The following KNTC1 variants were observed in gnomAD, a reference collection of about 807,000 sequenced individuals.
The protein encoded by KNTC1 is kinetochore-associated protein 1.
In KNTC1, 253 loss-of-function variants were observed where a neutral mutation model predicts 314.4. That is an observed-to-expected ratio of 0.80 (90% CI 0.73 to 0.89). The LOEUF is 0.89. Among genes scored for constraint, KNTC1 ranks in the 40% least tolerant of loss-of-function variants. KNTC1 has a pLI of 0.00. For synonymous variants in KNTC1, 901 were observed against 901.4 expected, an observed-to-expected ratio of 1.00 and a Z score of 0.01; for missense variants, 2,475 against 2,572.9, an observed-to-expected ratio of 0.96 and a Z score of 0.82.
intron 40 of KNTC1, among the ~76,000 whole-genome samples, chr12:122,589,648 T>A (rs947911548): frequency 1.3e-5 from 2 of 151,714 alleles, no homozygotes; most frequent in Non-Finnish European, 2.9e-5. Context: ...TTTGTAAAAA[T>A]TTTTTGTAGA....
At chr12:122,623,916 A>G (rs938170017) in intron 62 of KNTC1, among the ~76,000 whole-genome samples, 2 of 152,054 alleles carry the variant, frequency 1.3e-5, no homozygotes, top group Non-Finnish European at 2.9e-5. Context: ...AAAATACAAA[A>G]AGTTAGCCGA....
At chr12:122,603,869 C>T (rs1566009095) in intron 48 of KNTC1, among the ~76,000 whole-genome samples, 1 of 152,172 alleles carries the variant, frequency 6.6e-6, no homozygotes, top group Non-Finnish European at 1.5e-5. Context: ...CTCACTGCTA[C>T]ATTTTTGGTT....
intron 13 of KNTC1, among the ~76,000 whole-genome samples, chr12:122,550,228 C>T (rs1963099192): frequency 7.5e-6 from 1 of 132,862 alleles, no homozygotes; most frequent in Non-Finnish European, 1.6e-5. Context: ...TGTTTAATTT[C>T]TTTTTACACA....
intron 21 of KNTC1, among the ~76,000 whole-genome samples, 175 bp from the exon 22 acceptor site, chr12:122,569,506 A>G (rs1964555942): frequency 6.6e-6 from 1 of 152,196 alleles, no homozygotes; most frequent in African/African-American, 2.4e-5. Flanking sequence ...GTGACATTGC[A>G]TACAGTATGC....
At chr12:122,572,835 A>G (rs967569810) in intron 24 of KNTC1, 102 bp from the exon 25 acceptor site, 18 of 972,808 alleles carry the variant, frequency 1.9e-5, no homozygotes, top group Admixed American at 5.7e-5. Flanking sequence ...TCTTACGTGC[A>G]TAACCAGGGT....
chr12:122,541,592 G>A (rs111775088), intron 5 of KNTC1, among the ~76,000 whole-genome samples: 1,740 of 151,734 alleles, frequency 0.011, 30 homozygotes, highest in African/African-American at 0.039. Flanking sequence ...TGATCTACCT[G>A]CCTTGGCCTC....
In KNTC1 at chr12:122,584,364, A is replaced by G; in HGVS notation, c.3350A>G (p.Asn1117Ser). The G allele has an allele frequency of 6.2e-7, 1 of 1,613,612 alleles. No homozygotes were observed. Among genetic ancestry groups the G allele is most frequent in the South Asian group, 1.1e-5 (1 of 91,066 alleles). ...CQKLCQMLAD[N>S]VPVTVPVGLN... The stretch of plus-strand genomic sequence containing the variant: ...AAGCTTTGTCAGATGTTGGCTGATA[A>G]TGTCCCAGTGACAGTGCCTGTGGGA... Residue 1117 changes from asparagine (N) to serine (S), a missense_variant, in exon 35 of 64, where the codon AAT (asparagine) becomes AGT (serine). By Grantham distance (46) the Asn-to-Ser change is conservative (BLOSUM62 1). Coordinates refer to ENST00000333479, the MANE Select transcript of KNTC1 (RefSeq NM_014708.6).
intron 3 of KNTC1, among the ~76,000 whole-genome samples, chr12:122,534,992 A>C (rs1295485287): frequency 6.6e-6 from 1 of 152,212 alleles, no homozygotes; most frequent in Non-Finnish European, 1.5e-5. Context: ...CTCTCAATAC[A>C]TCTGAGGGGA....
chr12:122,534,834 TCTG>T (rs1961659893), intron 3 of KNTC1, 50 bp downstream of exon 3: 1 of 1,567,656 alleles, frequency 6.4e-7, no homozygotes, highest in East Asian at 2.3e-5. Flanking sequence ...GTCAAATACA[TCTG>T]CTGCCAATTT....
intron 44 of KNTC1, among the ~76,000 whole-genome samples, chr12:122,599,525 A>G (rs1489660017): frequency 6.6e-6 from 1 of 151,852 alleles, no homozygotes; most frequent in Non-Finnish European, 1.5e-5. Context: ...CTAATTTTTT[A>G]TATTTAGCAG....
intron 2 of KNTC1, among the ~76,000 whole-genome samples, chr12:122,534,218 C>G (rs929278989): frequency 6.6e-6 from 1 of 152,176 alleles, no homozygotes; most frequent in Admixed American, 6.6e-5. Flanking sequence ...GTGCTGCATC[C>G]CCACCAGGCT....
chr12:122,594,953 G>A (rs1348203014), intron 43 of KNTC1, among the ~76,000 whole-genome samples: 3 of 152,160 alleles, frequency 2.0e-5, no homozygotes, highest in Non-Finnish European at 4.4e-5. Context: ...CGTAATCTCA[G>A]CTCACCGCAG....
At chr12:122,585,953 A>G (rs1205365745) in intron 37 of KNTC1, among the ~76,000 whole-genome samples, 179 bp downstream of exon 37, 1 of 152,258 alleles carries the variant, frequency 6.6e-6, no homozygotes, top group Non-Finnish European at 1.5e-5. Context: ...TGTAAAGTAC[A>G]AACACAGGCT....
chr12:122,571,207 G>T, intron 24 of KNTC1, 81 bp downstream of exon 24: 1 of 988,542 alleles, frequency 1.0e-6, no homozygotes, highest in East Asian at 2.5e-5. Flanking sequence ...TGAAGTATCT[G>T]GAAATATATC....
rs577516439 is a variant in KNTC1, at chr12:122,617,651, A to C, written c.6031-692A>C. ...TGAGTTGGGTTCTGACTTTTTGCCA[A>C]ATGGAATAATGAATCAGCAAGGATT... On this transcript the variant is annotated intron_variant, in intron 57 of 63. Coordinates refer to ENST00000333479, the MANE Select transcript of KNTC1 (RefSeq NM_014708.6). 7.6e-5 allele frequency: 15 copies of C among 197,724 alleles called. No homozygotes were observed. In the South Asian group the frequency reaches 1.2e-3, roughly 16 times the overall value. 12.2% of individuals were successfully genotyped at this position (197,724 alleles called of 1,614,324 possible). A position where few individuals can be genotyped will look rare whatever the true frequency, so the allele number is the denominator to read the frequency against.
intron 20 of KNTC1, among the ~76,000 whole-genome samples, chr12:122,563,553 G>T (rs538272731): frequency 6.6e-6 from 1 of 151,982 alleles, no homozygotes; most frequent in Non-Finnish European, 1.5e-5. Flanking sequence ...TCAAGCAGCC[G>T]CTCCAAGGCA....
Position 122,544,149 on chromosome 12 carries a change from A to C in KNTC1, c.559-10A>C, listed in dbSNP as rs760435316. The C allele has an allele frequency of 8.2e-7, 1 of 1,226,052 alleles. No individual in the cohort carries two copies. Among genetic ancestry groups the C allele is most frequent in the African/African-American group, 1.5e-5 (1 of 65,010 alleles). The allele number at this position is 1,226,052 out of a possible 1,614,324, so 75.9% of individuals were successfully genotyped here. ...TTATATATATGACGTTGTTGTTTTT[A>C]ATTTTGCAGTTACAAGGACAAATCA... On this transcript the variant is annotated splice_polypyrimidine_tract_variant and intron_variant, in intron 7 of 63. Transcript: ENST00000333479.
At position 122,613,736 on chromosome 12, in the gene KNTC1, G is replaced by T. The variant is rs1873439434; in HGVS notation, c.5852G>T (p.Trp1951Leu). The T allele has an allele frequency of 6.2e-7, 1 of 1,610,494 alleles. No homozygotes were observed. Among genetic ancestry groups the T allele is most frequent in the African/African-American group, 1.3e-5 (1 of 74,672 alleles). Residue 1951 changes from tryptophan to leucine, a missense_variant, in exon 55 of 64, where the codon TGG (tryptophan) becomes TTG (leucine). Coordinates refer to ENST00000333479, the MANE Select transcript of KNTC1 (RefSeq NM_014708.6). ...AAAGAAGGAATGATTAAGGGTCTGT[G>T]GAAAAACCACAGCCACGAGTCCATG... ...SPKEGMIKGL[W>L]KNHSHESMAV...
At position 122,618,494 on chromosome 12, in the gene KNTC1, T is replaced by G; in HGVS notation, c.6098T>G (p.Leu2033Ter). Residue 2033 changes from leucine to a stop codon, truncating the protein, a stop_gained, in exon 59 of 64, where the codon TTA (leucine) becomes TGA (stop). Coordinates refer to ENST00000333479, the MANE Select transcript of KNTC1 (RefSeq NM_014708.6). LOFTEE classifies it high-confidence loss of function. Reference sequence around the variant, plus strand: ...GTTTTGTTTTCAGCCTCTTGTCCTTTAAGTCCTGATCAGCTGTCAGATTGT... The same window carrying G: ...GTTTTGTTTTCAGCCTCTTGTCCTTGAAGTCCTGATCAGCTGTCAGATTGT... The part of the protein sequence containing the change: ...QIPLLSASCP[L>*]SPDQLSDCSE... The G allele has an allele frequency of 6.2e-7, 1 of 1,612,954 alleles. No individual in the cohort carries two copies. The highest frequency in any genetic ancestry group is 8.5e-7 in the Non-Finnish European group (1 of 1,179,752).
Sources: allele counts gnomAD v4.1 joint callset (sites outside exome capture counted in the v4.1 genomes callset), GRCh38; gene constraint gnomAD v4.1.1; transcripts MANE v1.5; gene names NCBI Gene and HGNC (gene_info 2026-07-23, HGNC 2026-07-21).